GABRA3: variants seen among roughly 807,000 people sequenced by gnomAD.
GABRA3 encodes gamma-aminobutyric acid type A receptor subunit alpha3.
A neutral mutation model predicts 30.1 loss-of-function variants in GABRA3; 10 were observed. The ratio of observed to expected loss-of-function variants is 0.33; its 90% CI spans 0.20 to 0.56. The LOEUF (loss-of-function observed/expected upper bound fraction) is 0.56, where lower values mean the gene tolerates loss of function less well. Among genes scored for constraint, GABRA3 ranks in the 20% least tolerant of loss-of-function variants. The pLI, the probability that GABRA3 is intolerant of heterozygous loss-of-function variation, is 0.89. For missense variants in GABRA3, 233 were observed against 392.0 expected, an observed-to-expected ratio of 0.59 and a Z score of 3.42; for synonymous variants, 151 against 146.8, an observed-to-expected ratio of 1.03 and a Z score of -0.21.
intron 3 of GABRA3, among the ~76,000 whole-genome samples, chrX:152,319,881 A>AAAAAC (rs1009543097): frequency 2.7e-5 from 3 of 111,373 alleles, no homozygotes; most frequent in African/African-American, 6.5e-5. Context: ...ATAGCAAGAA[A>AAAAAC]AAAACAAACA....
At chrX:152,424,203 C>A (rs1930454737) in intron 1 of GABRA3, among the ~76,000 whole-genome samples, 1 of 111,212 alleles carries the variant, frequency 9.0e-6, no homozygotes, top group African/African-American at 3.3e-5. Context: ...ATCTACCCAA[C>A]TGCAGAATCA....
At chrX:152,403,149 T>C (rs763469157) in intron 1 of GABRA3, among the ~76,000 whole-genome samples, 12 of 111,400 alleles carry the variant, frequency 1.1e-4, no homozygotes, top group South Asian at 7.6e-4. Flanking sequence ...TTATTCAATA[T>C]AGTACTAAAA....
chrX:152,197,963 G>GA (rs1482599136), intron 7 of GABRA3, among the ~76,000 whole-genome samples, 178 bp from the exon 8 acceptor site: 1 of 111,443 alleles, frequency 9.0e-6, no homozygotes, highest in East Asian at 2.8e-4. Flanking sequence ...GTGTGTGTGT[G>GA]AAAAAACAAT....
chrX:152,225,432 GCACACACA>G lies in GABRA3; in HGVS notation c.552-595_552-588del, dbSNP rs60046142. Among the ~76,000 whole-genome samples, 11 of 96,519 alleles carry G rather than the reference GCACACACA, an allele frequency of 1.1e-4. No homozygotes were observed. The South Asian group carries it at 1.6e-3, about 14-fold the overall frequency. The allele number at this position is 96,519 out of a possible 115,157, so 83.8% of individuals were successfully genotyped here. On this transcript the variant is annotated intron_variant, in intron 5 of 9. Transcript: ENST00000370314. ...CACACACACACGCACACACACACAC[GCACACACA>G]CACACACACACACACACGAAAACTG...
At chrX:152,302,585 T>G (rs1227085312) in intron 3 of GABRA3, among the ~76,000 whole-genome samples, 1 of 111,418 alleles carries the variant, frequency 9.0e-6, no homozygotes, top group African/African-American at 3.3e-5. Flanking sequence ...TTATGAATAA[T>G]TTCAATAATT....
chrX:152,208,457 G>T lies in GABRA3; in HGVS notation c.635-313C>A, dbSNP rs183748211. The stretch of plus-strand genomic sequence containing the variant: ...TTGGACAGTAGACAGTAGGGGCAGG[G>T]GGAGGAATGGCTAAAATATTATCTC... On this transcript the variant is annotated intron_variant, in intron 6 of 9. Coordinates refer to ENST00000370314, the MANE Select transcript of GABRA3 (RefSeq NM_000808.4). Among the ~76,000 whole-genome samples the T allele has an allele frequency of 2.4e-4, 27 of 111,924 alleles. No homozygotes were observed. In the East Asian group the frequency reaches 7.1e-3, roughly 29 times the overall value.
chrX:152,446,116 C>T (rs777321745), intron 1 of GABRA3, among the ~76,000 whole-genome samples: 92 of 112,117 alleles, frequency 8.2e-4, no homozygotes, highest in African/African-American at 2.8e-3. Context: ...TTGCAAAATG[C>T]GTATGCATCA....
At chrX:152,393,121 T>C (rs1205922979) in intron 1 of GABRA3, among the ~76,000 whole-genome samples, 1 of 111,823 alleles carries the variant, frequency 8.9e-6, no homozygotes, top group African/African-American at 3.3e-5. Flanking sequence ...ACGGATATGG[T>C]TGGTGATTAA....
chrX:152,172,235 A>G (rs1490078202), intron 9 of GABRA3, among the ~76,000 whole-genome samples: 1 of 112,027 alleles, frequency 8.9e-6, no homozygotes, highest in African/African-American at 3.2e-5. Context: ...CAGAAATGCA[A>G]ATCAAAGCCA....
At chrX:152,221,836 T>G (rs1937845802) in intron 6 of GABRA3, among the ~76,000 whole-genome samples, 1 of 111,749 alleles carries the variant, frequency 8.9e-6, no homozygotes, top group African/African-American at 3.3e-5. Flanking sequence ...GGTATTAAGA[T>G]TAGTACCCAT....
chrX:152,314,206 G>A (rs1939839117), intron 3 of GABRA3, among the ~76,000 whole-genome samples: 1 of 111,378 alleles, frequency 9.0e-6, no homozygotes, highest in African/African-American at 3.3e-5. Context: ...TACTTCTCCT[G>A]TTGCATTTAT....
At chrX:152,435,441 T>G (rs1224413239) in intron 1 of GABRA3, among the ~76,000 whole-genome samples, 5 of 111,044 alleles carry the variant, frequency 4.5e-5, no homozygotes. Context: ...TCATGTCCTT[T>G]GCAGGGACAT....
At chrX:152,224,672 A>G in intron 6 of GABRA3, 91 bp downstream of exon 6, 1 of 654,661 alleles carries the variant, frequency 1.5e-6, no homozygotes, top group Non-Finnish European at 2.3e-6. Context: ...TCAGCTTTAG[A>G]AACTTGCAGT....
chrX:152,346,732 T>C (rs1259919836), intron 2 of GABRA3, among the ~76,000 whole-genome samples: 1 of 112,150 alleles, frequency 8.9e-6, no homozygotes, highest in Non-Finnish European at 1.9e-5. Flanking sequence ...AACAGGCATA[T>C]GAAAAGGTGC....
intron 1 of GABRA3, among the ~76,000 whole-genome samples, chrX:152,387,204 G>C (rs900233073): frequency 9.3e-6 from 1 of 107,309 alleles, no homozygotes; most frequent in Non-Finnish European, 1.9e-5. Context: ...GCTAAATGAC[G>C]AGTTAATGGG....
chrX:152,450,193 T>C (rs1407557674), intron 1 of GABRA3, among the ~76,000 whole-genome samples: 2 of 109,997 alleles, frequency 1.8e-5, no homozygotes, highest in East Asian at 2.9e-4. Flanking sequence ...TTAGTAATCC[T>C]ACCTCATCAC....
In GABRA3 at chrX:152,240,533, C is replaced by T. The variant is rs1212170942; in HGVS notation, c.551+15245G>A. On this transcript the variant is annotated intron_variant, in intron 5 of 9. Coordinates refer to ENST00000370314, the MANE Select transcript of GABRA3 (RefSeq NM_000808.4). ...GTTCTCTGTATTTCCTGAATCTGAA[C>T]GTTGGCCTGCCTTGCTAGATTGGGG... 2.2e-3 allele frequency among the ~76,000 whole-genome samples: 196 copies of T among 88,511 alleles called. 18 individuals carry two copies. The highest frequency in any genetic ancestry group is 9.3e-3 in the African/African-American group (184 of 19,763). The allele number at this position is 88,511 out of a possible 115,157, so 76.9% of individuals were successfully genotyped here.
intron 3 of GABRA3, among the ~76,000 whole-genome samples, chrX:152,292,337 G>A (rs1939436019): frequency 9.0e-6 from 1 of 111,641 alleles, no homozygotes; most frequent in African/African-American, 3.2e-5. Context: ...ATGGTAGTTT[G>A]TATTTCTGAT....
chrX:152,314,377 T>C (rs1165031483), intron 3 of GABRA3, among the ~76,000 whole-genome samples: 2 of 112,031 alleles, frequency 1.8e-5, no homozygotes, highest in Non-Finnish European at 3.8e-5. Context: ...AAGGAAACTG[T>C]CAAGTTGTCC....
Sources: allele counts gnomAD v4.1 joint callset (sites outside exome capture counted in the v4.1 genomes callset), GRCh38; gene constraint gnomAD v4.1.1; transcripts MANE v1.5; gene names NCBI Gene and HGNC (gene_info 2026-07-23, HGNC 2026-07-21).